GRIA1: variants seen among roughly 807,000 people sequenced by gnomAD.
GRIA1 encodes glutamate receptor 1.
A neutral mutation model predicts 99.2 loss-of-function variants in GRIA1; 31 were observed. That is an observed-to-expected ratio of 0.31 (90% CI 0.23 to 0.42). GRIA1 has a LOEUF of 0.42. Among genes scored for constraint, GRIA1 ranks in the 10% least tolerant of loss-of-function variants. The pLI is 1.00. For missense variants in GRIA1, 782 were observed against 1,157.5 expected (o/e 0.68, Z 4.71); for synonymous variants, 438 against 432.4 (o/e 1.01, Z -0.16).
At chr5:153,667,852 C>G (rs1378154092) in intron 5 of GRIA1, among the ~76,000 whole-genome samples, 1 of 152,186 alleles carries the variant, frequency 6.6e-6, no homozygotes, top group Non-Finnish European at 1.5e-5. Context: ...GTGTTAAACA[C>G]CTCTTTAGGA....
intron 2 of GRIA1, among the ~76,000 whole-genome samples, chr5:153,522,842 C>T (rs1159603823): frequency 2.0e-5 from 3 of 152,140 alleles, no homozygotes; most frequent in Admixed American, 2.0e-4. Flanking sequence ...AATGTTATCT[C>T]AGAGGAAGGT....
intron 13 of GRIA1, among the ~76,000 whole-genome samples, chr5:153,779,449 G>C (rs1186426895): frequency 6.6e-6 from 1 of 152,186 alleles, no homozygotes; most frequent in Admixed American, 6.5e-5. Flanking sequence ...CAAGCACTCT[G>C]TCTTGAAGCA....
At chr5:153,497,559 T>C (rs1754564247) in intron 2 of GRIA1, among the ~76,000 whole-genome samples, 1 of 152,052 alleles carries the variant, frequency 6.6e-6, no homozygotes, top group Non-Finnish European at 1.5e-5. Flanking sequence ...AGCCCAGAGG[T>C]TCACAAACTT....
intron 2 of GRIA1, among the ~76,000 whole-genome samples, chr5:153,556,238 G>T (rs533565359): frequency 7.2e-5 from 11 of 152,096 alleles, no homozygotes; most frequent in African/African-American, 2.7e-4. Flanking sequence ...GCACAGTGTG[G>T]GGGCGAAAGT....
intron 11 of GRIA1, among the ~76,000 whole-genome samples, chr5:153,759,783 T>C (rs1200925810): frequency 1.3e-5 from 2 of 151,982 alleles, no homozygotes; most frequent in African/African-American, 4.8e-5. Context: ...TAAACATAGA[T>C]GCAATAATCC....
At chr5:153,681,649 G>T (rs1037183852) in intron 7 of GRIA1, among the ~76,000 whole-genome samples, 6 of 152,156 alleles carry the variant, frequency 3.9e-5, no homozygotes, top group Admixed American at 6.5e-5. Flanking sequence ...GCCTTTTCCA[G>T]ATCTGGATTT....
chr5:153,661,210 TTA>T (rs1248234870), intron 5 of GRIA1, among the ~76,000 whole-genome samples: 4 of 152,138 alleles, frequency 2.6e-5, no homozygotes, highest in Non-Finnish European at 5.9e-5. Context: ...TACCTCACAG[TTA>T]TGTTTAGTTT....
chr5:153,751,770 A>G (rs1278708378), intron 11 of GRIA1, among the ~76,000 whole-genome samples: 1 of 152,244 alleles, frequency 6.6e-6, no homozygotes, highest in Non-Finnish European at 1.5e-5. Flanking sequence ...GATCCTTACT[A>G]TCTTCCGTTA....
intron 2 of GRIA1, among the ~76,000 whole-genome samples, chr5:153,619,760 T>A (rs539011185): frequency 6.6e-6 from 1 of 152,244 alleles, no homozygotes; most frequent in South Asian, 2.1e-4. Flanking sequence ...ACTACAACCG[T>A]TTGGCCTTTC....
At chr5:153,538,554 G>A (rs1758791098) in intron 2 of GRIA1, among the ~76,000 whole-genome samples, 1 of 152,010 alleles carries the variant, frequency 6.6e-6, no homozygotes, top group Admixed American at 6.6e-5. Context: ...AGTAAGAATA[G>A]GTGGCTCTTA....
chr5:153,647,183 G>A lies in GRIA1; in HGVS notation c.460+16G>A. The A allele has an allele frequency of 1.2e-6, 2 of 1,610,690 alleles. No homozygotes were observed. The highest frequency in any genetic ancestry group is 1.7e-6 in the Non-Finnish European group (2 of 1,177,398). ...GCCGACCGGGGTAAGCCAAGGGTTA[G>A]GGGAGGGAGACTTTTGAGGGATGGA... is the stretch of plus-strand genomic sequence containing the variant. On this transcript the variant is annotated intron_variant, in intron 3 of 15. Transcript: ENST00000285900.
chr5:153,720,812 G>C (rs963243647), intron 11 of GRIA1, among the ~76,000 whole-genome samples: 1 of 152,098 alleles, frequency 6.6e-6, no homozygotes, highest in Admixed American at 6.5e-5. Flanking sequence ...GAGCCCTCAT[G>C]GCCAGTTCTG....
In GRIA1 at chr5:153,744,862, G is replaced by A. The variant is rs201036021; in HGVS notation, c.1824-19572G>A. ...CTAACAATGAATAGGAGGAAAGCAA[G>A]GAGTGCTACCAACAGGAAAAGTAGA... On this transcript the variant is annotated intron_variant, in intron 11 of 15. Coordinates refer to ENST00000285900, the MANE Select transcript of GRIA1 (RefSeq NM_000827.4). Among the ~76,000 whole-genome samples the A allele has an allele frequency of 3.9e-5, 6 of 152,222 alleles. No individual in the cohort carries two copies. The East Asian group carries it at 9.6e-4, about 24-fold the overall frequency.
At chr5:153,595,871 G>A (rs1581290728) in intron 2 of GRIA1, among the ~76,000 whole-genome samples, 1 of 151,394 alleles carries the variant, frequency 6.6e-6, no homozygotes, top group East Asian at 1.9e-4. Context: ...ACATAGGATT[G>A]GAACACTAAA....
At chr5:153,803,735 T>C (rs749469369) in intron 15 of GRIA1, among the ~76,000 whole-genome samples, 1 of 152,190 alleles carries the variant, frequency 6.6e-6, no homozygotes, top group Non-Finnish European at 1.5e-5. Flanking sequence ...CTTTATTAGA[T>C]TGTACCCTAA....
intron 5 of GRIA1, among the ~76,000 whole-genome samples, chr5:153,667,911 TA>T (rs1219984564): frequency 6.6e-6 from 1 of 152,256 alleles, no homozygotes; most frequent in Non-Finnish European, 1.5e-5. Context: ...TTGAAAATTA[TA>T]ATTGGCATAT....
At position 153,799,405 on chromosome 5, in the gene GRIA1, G is replaced by C. The variant is rs554906316; in HGVS notation, c.2386-2951G>C. Among the ~76,000 whole-genome samples the C allele has an allele frequency of 3.9e-5, 6 of 152,306 alleles. No homozygotes were observed. In the South Asian group the frequency reaches 8.3e-4, roughly 21 times the overall value. On this transcript the variant is annotated intron_variant, in intron 14 of 15. Transcript: ENST00000285900. ...AGTCAGTAAAGGCAACTAAACAGAA[G>C]ACCATGGCCTGAGGCCTCCTTAGAA...
intron 8 of GRIA1, among the ~76,000 whole-genome samples, chr5:153,697,199 T>C (rs1364527539): frequency 6.6e-6 from 1 of 152,242 alleles, no homozygotes; most frequent in Non-Finnish European, 1.5e-5. Flanking sequence ...ACTTGGCTTT[T>C]GCTTCTCTGA....
chr5:153,650,607 T>A, intron 4 of GRIA1, 93 bp downstream of exon 4: 1 of 1,226,442 alleles, frequency 8.2e-7, no homozygotes, highest in Non-Finnish European at 1.1e-6. Flanking sequence ...AAGAGGGTTA[T>A]AAAGAGGGTT....
Sources: allele counts gnomAD v4.1 joint callset (sites outside exome capture counted in the v4.1 genomes callset), GRCh38; gene constraint gnomAD v4.1.1; transcripts MANE v1.5; gene names NCBI Gene and HGNC (gene_info 2026-07-23, HGNC 2026-07-21).